Variants in ANKS1B observed in about 807,000 individuals in gnomAD.
ANKS1B encodes ankyrin repeat and sterile alpha motif domain containing 1B.
In ANKS1B, 36 loss-of-function variants were observed where a neutral mutation model predicts 148.3. The observed-to-expected ratio is 0.24, with a 90% confidence interval of 0.19 to 0.32. The LOEUF (loss-of-function observed/expected upper bound fraction) is 0.32, where lower values mean the gene tolerates loss of function less well. Among genes scored for constraint, ANKS1B ranks in the 10% least tolerant of loss-of-function variants. The probability of loss-of-function intolerance (pLI) is 1.00; values close to 1 mark genes in which losing one functional copy is unlikely to be tolerated. For synonymous variants in ANKS1B, 542 were observed against 560.8 expected (o/e 0.97, Z 0.47); for missense variants, 1,157 against 1,542.6 (o/e 0.75, Z 4.19).
chr12:98,991,281 T>A (rs2099926445), intron 17 of ANKS1B, among the ~76,000 whole-genome samples: 1 of 152,182 alleles, frequency 6.6e-6, no homozygotes, highest in South Asian at 2.1e-4. Context: ...TGGTATACAT[T>A]TAAAATGCTA....
chr12:98,750,633 G>C (rs908731198), intron 26 of ANKS1B, among the ~76,000 whole-genome samples: 5 of 152,192 alleles, frequency 3.3e-5, no homozygotes, highest in Non-Finnish European at 7.3e-5. Flanking sequence ...ACGGCAGCCG[G>C]GGCAGAAACC....
At chr12:99,778,212 A>G (rs2063880034) in intron 6 of ANKS1B, among the ~76,000 whole-genome samples, 1 of 151,532 alleles carries the variant, frequency 6.6e-6, no homozygotes, top group Admixed American at 6.6e-5. Context: ...AAAGAAAAAA[A>G]AAGTTCAGTG....
intron 12 of ANKS1B, among the ~76,000 whole-genome samples, chr12:99,363,562 G>A (rs185548129): frequency 1.3e-5 from 2 of 152,174 alleles, no homozygotes; most frequent in Admixed American, 6.5e-5. Context: ...TTACCACACA[G>A]GTCATGAAGC....
At chr12:99,621,543 G>A (rs765400995) in intron 9 of ANKS1B, among the ~76,000 whole-genome samples, 2 of 149,916 alleles carry the variant, frequency 1.3e-5, no homozygotes, top group Non-Finnish European at 3.0e-5. Context: ...ATAAGCTCAA[G>A]GTAAAGGGTT....
intron 4 of ANKS1B, among the ~76,000 whole-genome samples, chr12:99,793,886 C>T (rs1487541606): frequency 2.0e-5 from 3 of 151,948 alleles, no homozygotes; most frequent in Non-Finnish European, 2.9e-5. Context: ...GAAGAGACAA[C>T]CCACGGAATA....
chr12:99,872,806 G>A (rs898823811), intron 1 of ANKS1B, among the ~76,000 whole-genome samples: 2 of 152,022 alleles, frequency 1.3e-5, no homozygotes, highest in African/African-American at 4.8e-5. Flanking sequence ...GGTTTACACT[G>A]AAAACTATCT....
intron 1 of ANKS1B, among the ~76,000 whole-genome samples, chr12:99,983,799 C>A (rs1182632665): frequency 6.6e-6 from 1 of 152,054 alleles, no homozygotes; most frequent in Admixed American, 6.5e-5. Flanking sequence ...TGATGGAAAG[C>A]GGGCGGAACG....
intron 1 of ANKS1B, among the ~76,000 whole-genome samples, chr12:99,852,475 G>A (rs1178758571): frequency 6.6e-6 from 1 of 152,074 alleles, no homozygotes; most frequent in Non-Finnish European, 1.5e-5. Context: ...TAGGCACTGG[G>A]GATTAACATT....
chr12:98,965,592 C>A (rs1290482944), intron 17 of ANKS1B, among the ~76,000 whole-genome samples: 2 of 152,106 alleles, frequency 1.3e-5, no homozygotes, highest in Non-Finnish European at 2.9e-5. Flanking sequence ...CTTAATAAGA[C>A]AATCCTAAGC....
chr12:99,768,734 G>A (rs186338597), intron 8 of ANKS1B, among the ~76,000 whole-genome samples: 1 of 151,782 alleles, frequency 6.6e-6, no homozygotes, highest in Non-Finnish European at 1.5e-5. Context: ...GCTGAGGCAG[G>A]GGAATCGCTT....
chr12:99,309,446 A>C (rs1461920370), intron 12 of ANKS1B, among the ~76,000 whole-genome samples: 1 of 151,930 alleles, frequency 6.6e-6, no homozygotes, highest in Non-Finnish European at 1.5e-5. Context: ...TTATTGCCCT[A>C]TAAAATCTGA....
At chr12:99,163,566 C>T (rs941247019) in intron 14 of ANKS1B, among the ~76,000 whole-genome samples, 30 of 151,066 alleles carry the variant, frequency 2.0e-4, no homozygotes, top group African/African-American at 6.6e-4. Flanking sequence ...GTCGAGACAC[C>T]GACAGCACCA....
chr12:99,110,919 C>T (rs1014776642), intron 15 of ANKS1B, among the ~76,000 whole-genome samples: 1 of 152,176 alleles, frequency 6.6e-6, no homozygotes, highest in African/African-American at 2.4e-5. Flanking sequence ...TCTCCTTCTC[C>T]AGGATGCCTT....
chr12:99,413,757 G>C (rs758233562), intron 11 of ANKS1B, among the ~76,000 whole-genome samples: 2 of 152,080 alleles, frequency 1.3e-5, no homozygotes, highest in Non-Finnish European at 2.9e-5. Flanking sequence ...TTATAAAACA[G>C]ACTGTAGGGA....
chr12:98,882,869 A>G (rs2099714430), intron 17 of ANKS1B, among the ~76,000 whole-genome samples: 1 of 152,228 alleles, frequency 6.6e-6, no homozygotes, highest in Non-Finnish European at 1.5e-5. Flanking sequence ...ACGATTTTAG[A>G]TGCATTTATG....
chr12:99,019,479 T>C (rs977889107), intron 17 of ANKS1B, among the ~76,000 whole-genome samples: 1 of 152,146 alleles, frequency 6.6e-6, no homozygotes, highest in Non-Finnish European at 1.5e-5. Context: ...AGCAAGTATT[T>C]TGAAGAAATA....
chr12:98,851,313 G>C (rs556101023), intron 17 of ANKS1B, among the ~76,000 whole-genome samples: 47 of 152,188 alleles, frequency 3.1e-4, no homozygotes, highest in Admixed American at 2.0e-3. Context: ...GAAAAGTAGG[G>C]AGTGGCAATC....
chr12:99,425,397 T>G (rs868019287), intron 11 of ANKS1B, among the ~76,000 whole-genome samples: 8 of 151,982 alleles, frequency 5.3e-5, no homozygotes, highest in Non-Finnish European at 1.0e-4. Flanking sequence ...TACAATGAAT[T>G]ATTTTACAGA....
intron 8 of ANKS1B, among the ~76,000 whole-genome samples, chr12:99,723,199 T>C (rs1229409826): frequency 2.0e-5 from 3 of 152,130 alleles, no homozygotes; most frequent in Non-Finnish European, 4.4e-5. Context: ...TTTGAGCTCT[T>C]TGGGGGAGGG....
Sources: allele counts gnomAD v4.1 joint callset (sites outside exome capture counted in the v4.1 genomes callset), GRCh38; gene constraint gnomAD v4.1.1; transcripts MANE v1.5; gene names NCBI Gene and HGNC (gene_info 2026-07-23, HGNC 2026-07-21).